Variants in LURAP1L observed in about 807,000 individuals in gnomAD.
The protein encoded by LURAP1L is leucine rich adaptor protein 1 like.
A neutral mutation model predicts 13.8 loss-of-function variants in LURAP1L; 12 were observed. That is an observed-to-expected ratio of 0.87 (90% confidence interval 0.56 to 1.41). The LOEUF is 1.41. Among genes scored for constraint, LURAP1L ranks in the 40% most tolerant of loss-of-function variants. The probability of loss-of-function intolerance (pLI) is 0.00; values close to 1 mark genes in which losing one functional copy is unlikely to be tolerated. For synonymous variants in LURAP1L, 139 were observed against 119.2 expected (o/e 1.17, Z -1.08); for missense variants, 375 against 292.9 (o/e 1.28, Z -2.04).
At chr9:12,779,231 A>C (rs944144106) in intron 1 of LURAP1L, among the ~76,000 whole-genome samples, 1 of 129,770 alleles carries the variant, frequency 7.7e-6, no homozygotes, top group African/African-American at 2.9e-5. Flanking sequence ...CTAGTTAAAC[A>C]TTTTATATGT....
chr9:12,807,353 G>A (rs1303139989), intron 1 of LURAP1L, among the ~76,000 whole-genome samples: 1 of 152,014 alleles, frequency 6.6e-6, no homozygotes, highest in Non-Finnish European at 1.5e-5. Flanking sequence ...GATGTATTAC[G>A]AGTAAACTTT....
intron 1 of LURAP1L, among the ~76,000 whole-genome samples, chr9:12,789,303 A>T (rs1008729280): frequency 6.6e-6 from 1 of 152,184 alleles, no homozygotes; most frequent in African/African-American, 2.4e-5. Context: ...CTTACTAAGC[A>T]TTAGTGTTTT....
chr9:12,785,111 G>A (rs973477880), intron 1 of LURAP1L, among the ~76,000 whole-genome samples: 3 of 152,060 alleles, frequency 2.0e-5, no homozygotes, highest in Admixed American at 6.5e-5. Context: ...TCCCTTCAGG[G>A]CAGCGGGTTC....
At chr9:12,808,111 A>G (rs1203890533) in intron 1 of LURAP1L, among the ~76,000 whole-genome samples, 4 of 152,098 alleles carry the variant, frequency 2.6e-5, no homozygotes, top group African/African-American at 9.6e-5. Flanking sequence ...TGTTAGATCA[A>G]TAAATAATAA....
At chr9:12,806,761 A>G (rs534335797) in intron 1 of LURAP1L, among the ~76,000 whole-genome samples, 24 of 151,958 alleles carry the variant, frequency 1.6e-4, no homozygotes, top group African/African-American at 5.5e-4. Context: ...TAAGGTGTTG[A>G]GATTTCCATT....
At chr9:12,778,391 A>T (rs560754372) in intron 1 of LURAP1L, among the ~76,000 whole-genome samples, 2 of 152,354 alleles carry the variant, frequency 1.3e-5, no homozygotes, top group Admixed American at 1.3e-4. Context: ...TCTTGTTAAC[A>T]TAGGAATAAG....
intron 1 of LURAP1L, chr9:12,790,900 A>C (rs1314089578): frequency 6.6e-6 from 1 of 152,190 alleles, no homozygotes; most frequent in African/African-American, 2.4e-5. Flanking sequence ...TGTATATTAC[A>C]CATATTGACA....
chr9:12,778,044 T>C (rs7468492), intron 1 of LURAP1L, among the ~76,000 whole-genome samples: 129,018 of 151,720 alleles, frequency 0.85, 55,047 homozygotes, highest in Non-Finnish European at 0.88. Context: ...AACTGGGATT[T>C]ATGTTGAGAG....
intron 1 of LURAP1L, among the ~76,000 whole-genome samples, chr9:12,787,775 A>G (rs1278149087): frequency 6.6e-6 from 1 of 152,158 alleles, no homozygotes; most frequent in Non-Finnish European, 1.5e-5. Context: ...CCTGAAAGTC[A>G]TACGTTCATA....
chr9:12,809,792 T>C (rs552481139), intron 1 of LURAP1L, among the ~76,000 whole-genome samples: 1 of 152,340 alleles, frequency 6.6e-6, no homozygotes, highest in South Asian at 2.1e-4. Context: ...CTATTTGCTG[T>C]AGCTATAGTG....
At chr9:12,819,674 G>C (rs1361694668) in intron 1 of LURAP1L, among the ~76,000 whole-genome samples, 1 of 152,104 alleles carries the variant, frequency 6.6e-6, no homozygotes, top group African/African-American at 2.4e-5. Flanking sequence ...CATAGAGAAG[G>C]CCGGACATGG....
intron 1 of LURAP1L, among the ~76,000 whole-genome samples, chr9:12,779,702 C>T (rs1819243310): frequency 6.6e-6 from 1 of 152,122 alleles, no homozygotes; most frequent in Non-Finnish European, 1.5e-5. Context: ...AGATTTTAAC[C>T]ATGCCTATGC....
At chr9:12,804,222 AC>A in intron 1 of LURAP1L, among the ~76,000 whole-genome samples, 1 of 152,348 alleles carries the variant, frequency 6.6e-6, no homozygotes, top group South Asian at 2.1e-4. Context: ...AACTTTTGTC[AC>A]AGCAGAATCA....
intron 1 of LURAP1L, among the ~76,000 whole-genome samples, chr9:12,807,020 C>CAAAAAAAAAA (rs71329888): frequency 4.6e-5 from 1 of 21,884 alleles, no homozygotes; most frequent in African/African-American, 1.7e-4. Flanking sequence ...GACTCCGTCT[C>CAAAAAAAAAA]AAAAAAAAAA....
chr9:12,810,926 T>C (rs1819727664), intron 1 of LURAP1L, among the ~76,000 whole-genome samples: 1 of 152,210 alleles, frequency 6.6e-6, no homozygotes, highest in South Asian at 2.1e-4. Flanking sequence ...CATAAAGTAT[T>C]TCAAATATTA....
intron 1 of LURAP1L, among the ~76,000 whole-genome samples, chr9:12,792,883 A>G (rs1236483946): frequency 1.3e-5 from 2 of 152,074 alleles, no homozygotes; most frequent in Non-Finnish European, 2.9e-5. Context: ...TTGCTTTGTA[A>G]TGTAGTACTA....
chr9:12,819,808 G>T (rs1458094604), intron 1 of LURAP1L, among the ~76,000 whole-genome samples: 1 of 152,044 alleles, frequency 6.6e-6, no homozygotes, highest in Non-Finnish European at 1.5e-5. Context: ...CTAAAAATTA[G>T]CTGGACATGG....
At chr9:12,804,267 C>G (rs1418579823) in intron 1 of LURAP1L, among the ~76,000 whole-genome samples, 1 of 151,734 alleles carries the variant, frequency 6.6e-6, no homozygotes, top group African/African-American at 2.4e-5. Flanking sequence ...TCTGCATAGT[C>G]TATACCGTAT....
rs757857264 is a variant in LURAP1L, at chr9:12,821,495, G to C, written c.422G>C (p.Arg141Thr). The C allele has an allele frequency of 2.5e-6, 4 of 1,614,090 alleles. No individual in the cohort carries two copies. In the African/African-American group the frequency reaches 5.3e-5, roughly 22 times the overall value. The stretch of plus-strand genomic sequence containing the variant: ...GAAGAAAAAGCCACCATTACCAGCA[G>C]AGGCAGCAGCCTCAGTGGCAGCCTG... Reference protein sequence around the residue: ...MIEEKATITSRGSSLSGSLCS... With the variant: ...MIEEKATITSTGSSLSGSLCS... Residue 141 changes from arginine (R) to threonine (T), a missense_variant, in exon 2 of 2, where the codon AGA (arginine) becomes ACA (threonine). Coordinates refer to ENST00000319264, the MANE Select transcript of LURAP1L (RefSeq NM_203403.2).
Sources: allele counts gnomAD v4.1 joint callset (sites outside exome capture counted in the v4.1 genomes callset), GRCh38; gene constraint gnomAD v4.1.1; transcripts MANE v1.5; gene names NCBI Gene and HGNC (gene_info 2026-07-23, HGNC 2026-07-21).